The following RERE variants were observed in gnomAD, a reference collection of about 807,000 sequenced individuals.
RERE encodes the protein arginine-glutamic acid dipeptide repeats.
RERE carries 40 observed loss-of-function variants against 146.1 expected under a neutral mutation model. The observed-to-expected ratio is 0.27, with a 90% CI of 0.21 to 0.36. The LOEUF (loss-of-function observed/expected upper bound fraction) is 0.36. Ranked by LOEUF, RERE falls within the 10% of genes least tolerant of loss-of-function variation. RERE has a pLI of 1.00. For synonymous variants in RERE, 1,003 were observed against 866.0 expected, an observed-to-expected ratio of 1.16 and a Z score of -2.78; for missense variants, 1,933 against 2,138.7, an observed-to-expected ratio of 0.90 and a Z score of 1.90.
intron 1 of RERE, among the ~76,000 whole-genome samples, chr1:8,806,502 G>C (rs866952273): frequency 3.9e-5 from 6 of 152,108 alleles, no homozygotes; most frequent in South Asian, 2.1e-4. Context: ...CTTGGTGACA[G>C]AGGGAGACTC....
chr1:8,571,109 T>G (rs1308364522), intron 4 of RERE, among the ~76,000 whole-genome samples: 1 of 152,244 alleles, frequency 6.6e-6, no homozygotes, highest in East Asian at 1.9e-4. Context: ...GCTGAAAGCA[T>G]GCAGAAAATA....
intron 1 of RERE, among the ~76,000 whole-genome samples, chr1:8,774,347 AT>A (rs34859762): frequency 0.018 from 1,685 of 93,130 alleles, 15 homozygotes; most frequent in African/African-American, 0.058. Context: ...TTGGCAAACT[AT>A]TTTTTTTTTT....
intron 6 of RERE, among the ~76,000 whole-genome samples, chr1:8,551,722 C>G (rs1163873727): frequency 6.6e-6 from 1 of 152,138 alleles, no homozygotes; most frequent in Non-Finnish European, 1.5e-5. Context: ...GGATGTGGAA[C>G]CAGATGTGTG....
chr1:8,633,183 G>A (rs1346624384), intron 2 of RERE, among the ~76,000 whole-genome samples: 1 of 152,194 alleles, frequency 6.6e-6, no homozygotes, highest in African/African-American at 2.4e-5. Flanking sequence ...ACATTGGGAG[G>A]TGGAGGCAGG....
chr1:8,754,702 C>T (rs1043188724), intron 1 of RERE, among the ~76,000 whole-genome samples: 8 of 152,110 alleles, frequency 5.3e-5, no homozygotes, highest in Admixed American at 3.9e-4. Context: ...AGTGAAGGTG[C>T]GTTCATTTAA....
intron 10 of RERE, among the ~76,000 whole-genome samples, chr1:8,482,673 T>C (rs1644850628): frequency 1.6e-5 from 2 of 122,684 alleles, no homozygotes; most frequent in Non-Finnish European, 3.3e-5. Flanking sequence ...CAGAGTGAGA[T>C]TCTGTTGCAA....
intron 1 of RERE, among the ~76,000 whole-genome samples, chr1:8,802,365 T>C (rs1234635620): frequency 6.6e-6 from 1 of 152,246 alleles, no homozygotes; most frequent in Non-Finnish European, 1.5e-5. Context: ...CTATAAAACA[T>C]TTTAAAAGAG....
At chr1:8,678,084 C>A (rs1429501670) in intron 1 of RERE, among the ~76,000 whole-genome samples, 1 of 152,162 alleles carries the variant, frequency 6.6e-6, no homozygotes, top group Non-Finnish European at 1.5e-5. Flanking sequence ...CAAGCCAACC[C>A]TTCTCAGGCT....
At chr1:8,372,796 GCAACGTCA>G (rs1401275421) in intron 12 of RERE, among the ~76,000 whole-genome samples, 1 of 152,184 alleles carries the variant, frequency 6.6e-6, no homozygotes, top group Non-Finnish European at 1.5e-5. Context: ...CCAGATCCCT[GCAACGTCA>G]CATATGCCCA....
At chr1:8,654,595 G>C (rs577540895) in intron 2 of RERE, among the ~76,000 whole-genome samples, 1 of 150,948 alleles carries the variant, frequency 6.6e-6, no homozygotes, top group Admixed American at 6.6e-5. Context: ...TTTCACCTAG[G>C]TTTTACTGGC....
At position 8,358,621 on chromosome 1, in the gene RERE, C is replaced by T; in HGVS notation, c.3914G>A (p.Arg1305Gln). 6.3e-6 allele frequency: 10 copies of T among 1,591,564 alleles called. No individual in the cohort carries two copies. Among genetic ancestry groups the T allele is most frequent in the South Asian group, 1.2e-5 (1 of 86,650 alleles). The change falls in exon 20 of 23, where the codon CGG (arginine) becomes CAG (glutamine). Residue 1305 changes from arginine (R) to glutamine (Q), a missense_variant. Physicochemically the swap from Arg to Gln is conservative, Grantham distance 43. This residue lies in a region of RERE where 1,255 missense variants were observed against 1,153.8 expected (regional missense o/e 1.09). Coordinates refer to ENST00000400908, the MANE Select transcript of RERE (RefSeq NM_001042681.2). The part of the protein sequence containing the change: ...VDPTIREREL[R>Q]EREIREREIR... ...CTCCCGCTCTCGGATCTCCCGCTCC[C>T]GGAGCTCCCGCTCGCGGATGGTGGG... is the stretch of plus-strand genomic sequence containing the variant.
intron 1 of RERE, among the ~76,000 whole-genome samples, chr1:8,801,211 G>C (rs1641585392): frequency 6.6e-6 from 1 of 152,050 alleles, no homozygotes; most frequent in South Asian, 2.1e-4. Flanking sequence ...AGTCGGCCCT[G>C]ATCGCGCCAC....
At chr1:8,540,631 T>G (rs1645789101) in intron 7 of RERE, among the ~76,000 whole-genome samples, 2 of 152,206 alleles carry the variant, frequency 1.3e-5, no homozygotes, top group South Asian at 2.1e-4. Flanking sequence ...TAAAAATTGT[T>G]AAATTACTCT....
intron 10 of RERE, among the ~76,000 whole-genome samples, chr1:8,494,451 G>A (rs1006015773): frequency 1.3e-5 from 2 of 152,152 alleles, no homozygotes; most frequent in Non-Finnish European, 2.9e-5. Flanking sequence ...TAGAGGCCGG[G>A]CGTGGTGGCT....
intron 1 of RERE, among the ~76,000 whole-genome samples, chr1:8,813,571 T>C (rs1294679600): frequency 6.6e-6 from 1 of 151,818 alleles, no homozygotes; most frequent in Non-Finnish European, 1.5e-5. Flanking sequence ...GTATTACACA[T>C]AATTATTGCA....
intron 12 of RERE, among the ~76,000 whole-genome samples, chr1:8,416,430 C>T (rs1643766752): frequency 6.6e-6 from 1 of 151,606 alleles, no homozygotes. Context: ...ACTAAAAACA[C>T]AAAAAATTAG....
chr1:8,601,005 C>A (rs760039297), intron 4 of RERE, among the ~76,000 whole-genome samples: 1 of 140,902 alleles, frequency 7.1e-6, no homozygotes, highest in Non-Finnish European at 1.5e-5. Context: ...CCGCCTGCCT[C>A]GGTCTCCCAA....
chr1:8,381,894 C>A (rs755774604), intron 12 of RERE, among the ~76,000 whole-genome samples: 1 of 152,212 alleles, frequency 6.6e-6, no homozygotes, highest in Non-Finnish European at 1.5e-5. Flanking sequence ...TAAGTCTTAA[C>A]CTGAATTAAC....
At chr1:8,362,540 G>T in intron 16 of RERE, 143 bp downstream of exon 16, 2 of 1,142,360 alleles carry the variant, frequency 1.8e-6, no homozygotes, top group Non-Finnish European at 2.5e-6. Context: ...GCAGCCCCTA[G>T]GCCAGGACAA....
Sources: allele counts gnomAD v4.1 joint callset (sites outside exome capture counted in the v4.1 genomes callset), GRCh38; gene constraint gnomAD v4.1.1; regional missense constraint gnomAD v4.1.1; transcripts MANE v1.5; gene names NCBI Gene and HGNC (gene_info 2026-07-23, HGNC 2026-07-21).